The following UBAP1 variants were observed in gnomAD, a reference collection of about 807,000 sequenced individuals.
UBAP1 encodes the protein ubiquitin associated protein 1.
In UBAP1, 5 loss-of-function variants were observed where a neutral mutation model predicts 39.0. That is an observed-to-expected ratio of 0.13 (90% CI 0.07 to 0.27). UBAP1 has a LOEUF of 0.27. Among genes scored for constraint, UBAP1 ranks in the 10% least tolerant of loss-of-function variants. The pLI, the probability that UBAP1 is intolerant of heterozygous loss-of-function variation, is 1.00. For synonymous variants in UBAP1, 211 were observed against 225.1 expected (o/e 0.94, Z 0.56); for missense variants, 490 against 608.1 (o/e 0.81, Z 2.04).
At chr9:34,199,945 C>T (rs887190800) in intron 1 of UBAP1, among the ~76,000 whole-genome samples, 1 of 151,884 alleles carries the variant, frequency 6.6e-6, no homozygotes, top group Non-Finnish European at 1.5e-5. Context: ...TGCACCCAAC[C>T]CAGGTTTTCT....
intron 2 of UBAP1, among the ~76,000 whole-genome samples, chr9:34,221,672 A>G (rs1832770275): frequency 6.6e-6 from 1 of 152,154 alleles, no homozygotes; most frequent in South Asian, 2.1e-4. Context: ...GCCCCATCAA[A>G]GGAAGTAATT....
At chr9:34,242,756 C>G (rs1234014252) in intron 4 of UBAP1, among the ~76,000 whole-genome samples, 1 of 152,096 alleles carries the variant, frequency 6.6e-6, no homozygotes, top group East Asian at 1.9e-4. Context: ...AACTCCTGAC[C>G]TTAGTTGATC....
intron 2 of UBAP1, chr9:34,224,284 A>C (rs529564187): frequency 8.5e-6 from 4 of 472,460 alleles, no homozygotes; most frequent in Non-Finnish European, 1.6e-5. Context: ...ACCACTGTCC[A>C]TACGGTGTGC....
intron 1 of UBAP1, among the ~76,000 whole-genome samples, chr9:34,199,850 A>G (rs921227924): frequency 7.7e-6 from 1 of 129,970 alleles, no homozygotes; most frequent in African/African-American, 3.0e-5. Context: ...CATGTTGCCC[A>G]GGCTGGTCTG....
Position 34,212,392 on chromosome 9 carries a change from A to AACACACACACACACACACAC in UBAP1, c.-7-8501_-7-8482dup, listed in dbSNP as rs35251034. ...CATAGTGAGACCTCATTTCTATTAA[A>AACACACACACACACACACAC]ACACACACACACACACACACACACA... On this transcript the variant is annotated intron_variant, in intron 1 of 6. Transcript: ENST00000297661. Among the ~76,000 whole-genome samples, 89 of 142,260 alleles carry AACACACACACACACACACAC rather than the reference A, an allele frequency of 6.3e-4. 1 individual carries two copies. The highest frequency in any genetic ancestry group is 3.6e-3 in the East Asian group (17 of 4,676). 93.3% of individuals were successfully genotyped at this position (142,260 alleles called of 152,430 possible). A position where few individuals can be genotyped will look rare whatever the true frequency, so the allele number is the denominator to read the frequency against.
At chr9:34,250,802 G>T in intron 6 of UBAP1, 43 bp downstream of exon 6, 1 of 1,540,432 alleles carries the variant, frequency 6.5e-7, no homozygotes, top group Non-Finnish European at 9.0e-7. Flanking sequence ...GGAAAAGGAG[G>T]GACCAAGTAT....
intron 2 of UBAP1, among the ~76,000 whole-genome samples, chr9:34,225,325 A>AC (rs1832985962): frequency 6.6e-6 from 1 of 152,172 alleles, no homozygotes; most frequent in South Asian, 2.1e-4. Context: ...AAGTTGAACA[A>AC]CTTCACTGTT....
chr9:34,202,331 C>T (rs549920095), intron 1 of UBAP1, among the ~76,000 whole-genome samples: 2 of 152,108 alleles, frequency 1.3e-5, no homozygotes, highest in Admixed American at 6.6e-5. Flanking sequence ...GGGGTTTTAC[C>T]ATGTTGGTAA....
Position 34,250,693 on chromosome 9 carries a change from T to C in UBAP1, c.1302T>C (p.Cys434=), listed in dbSNP as rs764056894. Residue 434 remains cysteine (C), a synonymous_variant, in exon 6 of 7, where the codon TGT becomes TGC. Coordinates refer to ENST00000297661, the MANE Select transcript of UBAP1 (RefSeq NM_016525.5). The stretch of plus-strand genomic sequence containing the variant: ...ATCTCTTTGCACATGGACAGCTTTG[T>C]GAGAAGGGCTTCGACCCTCTTTTAG... ...LDYLFAHGQL[C]EKGFDPLLVE... The C allele has an allele frequency of 5.0e-6, 8 of 1,613,528 alleles. No individual in the cohort carries two copies. The highest frequency in any genetic ancestry group is 1.3e-5 in the African/African-American group (1 of 74,920).
intron 1 of UBAP1, among the ~76,000 whole-genome samples, chr9:34,182,160 G>A (rs1042558015): frequency 6.0e-5 from 5 of 82,764 alleles, no homozygotes; most frequent in African/African-American, 1.8e-4. Context: ...GATCCCTGAC[G>A]TTTATTTATT....
At chr9:34,217,783 C>CTTTTTTTTTTTTTTTTTTTTTTT (rs750494361) in intron 1 of UBAP1, among the ~76,000 whole-genome samples, 1 of 41,212 alleles carries the variant, frequency 2.4e-5, no homozygotes, top group African/African-American at 1.0e-4. Context: ...GGATTTCGTT[C>CTTTTTTTTTTTTTTTTTTTTTTT]TTTTTTTTTT....
chr9:34,185,869 A>G (rs1830381833), intron 1 of UBAP1, among the ~76,000 whole-genome samples: 1 of 152,092 alleles, frequency 6.6e-6, no homozygotes. Context: ...CAAACAAACA[A>G]ACACATTCAG....
At chr9:34,225,697 G>A (rs995822987) in intron 2 of UBAP1, among the ~76,000 whole-genome samples, 4 of 150,808 alleles carry the variant, frequency 2.7e-5, no homozygotes, top group Admixed American at 6.6e-5. Flanking sequence ...GGAGAATGGC[G>A]TGAACCCAGG....
At chr9:34,235,797 G>A (rs114006868) in intron 3 of UBAP1, among the ~76,000 whole-genome samples, 129 of 151,204 alleles carry the variant, frequency 8.5e-4, no homozygotes, top group African/African-American at 3.1e-3. Flanking sequence ...TTTATGGTAA[G>A]TGCCCTATAC....
Position 34,241,898 on chromosome 9 carries a change from C to G in UBAP1, c.873C>G (p.Ser291=), listed in dbSNP as rs1563920882. The G allele has an allele frequency of 6.2e-7, 1 of 1,614,206 alleles. No individual in the cohort carries two copies. Among genetic ancestry groups the G allele is most frequent in the Non-Finnish European group, 8.5e-7 (1 of 1,180,040 alleles). The part of the protein sequence containing the change: ...AKLASTFHST[S]CLRNGTFQNS... ...TGGCGAGCACTTTCCATAGCACATC[C>G]TGCCTCCGCAATGGCACGTTCCAGA... Residue 291 remains serine (S), a synonymous_variant, in exon 4 of 7, where the codon TCC becomes TCG. Transcript: ENST00000297661.
At chr9:34,235,945 C>A (rs1375590414) in intron 3 of UBAP1, among the ~76,000 whole-genome samples, 1 of 151,762 alleles carries the variant, frequency 6.6e-6, no homozygotes, top group African/African-American at 2.4e-5. Flanking sequence ...ACCTCCGCCT[C>A]CACCTCCTGG....
At chr9:34,219,651 G>C (rs1291324919) in intron 1 of UBAP1, among the ~76,000 whole-genome samples, 7 of 147,288 alleles carry the variant, frequency 4.8e-5, no homozygotes, top group African/African-American at 1.8e-4. Flanking sequence ...AAATGCCCCT[G>C]TGAACATTGA....
At chr9:34,223,671 G>T (rs1832881361) in intron 2 of UBAP1, among the ~76,000 whole-genome samples, 1 of 152,054 alleles carries the variant, frequency 6.6e-6, no homozygotes, top group South Asian at 2.1e-4. Context: ...TAGCCAGGAT[G>T]GTCTCGATCT....
rs1834450181 is a variant in UBAP1 at position 34,250,727 on chromosome 9, G to A, written c.1336G>A (p.Ala446Thr). 3 of 1,613,674 alleles carry A rather than the reference G, an allele frequency of 1.9e-6. No homozygotes were observed. The highest frequency in any genetic ancestry group is 2.5e-6 in the Non-Finnish European group (3 of 1,179,662). The stretch of plus-strand genomic sequence containing the variant: ...CTTCGACCCTCTTTTAGTGGAAGAG[G>A]CTCTGGAAATGCACCAGTGTTCAGA... The part of the protein sequence containing the change: ...KGFDPLLVEE[A>T]LEMHQCSEEK... The change falls in exon 6 of 7, where the codon GCT becomes ACT. Residue 446 changes from alanine to threonine, a missense_variant. Ala to Thr is a moderately conservative substitution (Grantham distance 58). This residue lies in a region of UBAP1 where 339 missense variants were observed against 390.0 expected (regional missense o/e 0.87). Coordinates refer to ENST00000297661, the MANE Select transcript of UBAP1 (RefSeq NM_016525.5).
Sources: allele counts gnomAD v4.1 joint callset (sites outside exome capture counted in the v4.1 genomes callset), GRCh38; gene constraint gnomAD v4.1.1; regional missense constraint gnomAD v4.1.1; transcripts MANE v1.5; gene names NCBI Gene and HGNC (gene_info 2026-07-23, HGNC 2026-07-21).